The following MAST4 variants were observed in gnomAD, a reference collection of about 807,000 sequenced individuals.
MAST4 encodes the protein microtubule associated serine/threonine kinase family member 4.
In MAST4, 89 loss-of-function variants were observed where a neutral mutation model predicts 162.7. That is an observed-to-expected ratio of 0.55 (90% CI 0.46 to 0.65). The LOEUF (loss-of-function observed/expected upper bound fraction) is 0.65, where lower values mean the gene tolerates loss of function less well. Among genes scored for constraint, MAST4 ranks in the 30% least tolerant of loss-of-function variants. The pLI, the probability that MAST4 is intolerant of heterozygous loss-of-function variation, is 0.00. For missense variants in MAST4, 3,153 were observed against 3,374.0 expected (o/e 0.93, Z 1.62); for synonymous variants, 1,479 against 1,361.1 (o/e 1.09, Z -1.91).
At chr5:66,780,920 C>T (rs1754842073) in intron 2 of MAST4, among the ~76,000 whole-genome samples, 1 of 152,214 alleles carries the variant, frequency 6.6e-6, no homozygotes, top group African/African-American at 2.4e-5. Flanking sequence ...TTCTCCAAGT[C>T]CCCACTCAGC....
chr5:66,921,166 C>A (rs1209085912), intron 4 of MAST4, among the ~76,000 whole-genome samples: 1 of 152,098 alleles, frequency 6.6e-6, no homozygotes, highest in African/African-American at 2.4e-5. Context: ...TTAAAAAAAT[C>A]ATGTGTGTTG....
At position 66,846,243 on chromosome 5, in the gene MAST4, A is replaced by T. The variant is rs150566396; in HGVS notation, c.643-53708A>T. Among the ~76,000 whole-genome samples the T allele has an allele frequency of 9.3e-4, 141 of 152,282 alleles. 2 individuals carry two copies. Among genetic ancestry groups the T allele is most frequent in the African/African-American group, 3.3e-3 (136 of 41,538 alleles). On this transcript the variant is annotated intron_variant, in intron 3 of 28. Coordinates refer to ENST00000403625, the MANE Select transcript of MAST4 (RefSeq NM_001164664.2). ...ATGGCCCAACTTACAGTTATCATCC[A>T]CTGTGACAAGTTCAGTAGAAGTTGT...
chr5:66,623,454 G>A (rs1744205754), intron 1 of MAST4, among the ~76,000 whole-genome samples: 1 of 152,066 alleles, frequency 6.6e-6, no homozygotes, highest in East Asian at 1.9e-4. Context: ...TGACCAAGTG[G>A]GATTTATCCC....
At chr5:67,155,234 GC>G (rs541305745) in intron 26 of MAST4, among the ~76,000 whole-genome samples, 40 of 152,124 alleles carry the variant, frequency 2.6e-4, no homozygotes, top group Non-Finnish European at 4.9e-4. Flanking sequence ...CCATGCATAG[GC>G]AAACTTGTCC....
At position 67,142,107 on chromosome 5, in the gene MAST4, C is replaced by A. The variant is rs377455103; in HGVS notation, c.2495-8C>A. The A allele has an allele frequency of 2.5e-6, 4 of 1,613,086 alleles. No homozygotes were observed. The Admixed American group carries it at 6.7e-5, about 27-fold the overall frequency. ...CTTTCCTCTCTGTCTCTACCTGCCC[C>A]CTTCCAGGTGGTGCATATGAAGTCA... On this transcript the variant is annotated splice_region_variant and splice_polypyrimidine_tract_variant and intron_variant, in intron 19 of 28. Coordinates refer to ENST00000403625, the MANE Select transcript of MAST4 (RefSeq NM_001164664.2).
intron 4 of MAST4, among the ~76,000 whole-genome samples, chr5:67,018,676 A>G (rs1753614694): frequency 6.6e-6 from 1 of 152,200 alleles, no homozygotes; most frequent in Non-Finnish European, 1.5e-5. Flanking sequence ...GTAATTTAAG[A>G]TATAGAGTAT....
chr5:67,153,008 C>G (rs1561178072), intron 25 of MAST4, 142 bp downstream of exon 25: 2 of 678,474 alleles, frequency 2.9e-6, no homozygotes, highest in Non-Finnish European at 5.1e-6. Context: ...GAGCTCCATC[C>G]CTGTATGTGT....
chr5:66,979,290 T>C (rs1748499643), intron 4 of MAST4, among the ~76,000 whole-genome samples: 1 of 152,138 alleles, frequency 6.6e-6, no homozygotes, highest in Non-Finnish European at 1.5e-5. Context: ...ACAGAGACAC[T>C]GAGTCCTCTT....
intron 4 of MAST4, among the ~76,000 whole-genome samples, chr5:67,016,926 A>C (rs1450395535): frequency 6.6e-6 from 1 of 152,214 alleles, no homozygotes; most frequent in Non-Finnish European, 1.5e-5. Flanking sequence ...ATGGCAATAC[A>C]ATGGGTATGC....
intron 3 of MAST4, among the ~76,000 whole-genome samples, chr5:66,832,576 G>A (rs1275625653): frequency 6.6e-6 from 1 of 152,096 alleles, no homozygotes; most frequent in Non-Finnish European, 1.5e-5. Flanking sequence ...TGTTCTAACT[G>A]AGCATCAATC....
chr5:66,848,131 A>C (rs1759022563), intron 3 of MAST4, among the ~76,000 whole-genome samples: 1 of 152,142 alleles, frequency 6.6e-6, no homozygotes, highest in Admixed American at 6.6e-5. Flanking sequence ...TTTGCTTACT[A>C]TTTGCTTAAG....
intron 14 of MAST4, among the ~76,000 whole-genome samples, chr5:67,122,312 T>A (rs1042397617): frequency 1.3e-5 from 2 of 152,244 alleles, no homozygotes; most frequent in African/African-American, 4.8e-5. Context: ...TTACCATTTT[T>A]TCACCTTGAA....
intron 6 of MAST4, among the ~76,000 whole-genome samples, chr5:67,095,187 C>T (rs1325098377): frequency 1.1e-4 from 17 of 152,198 alleles, no homozygotes; most frequent in Non-Finnish European, 4.4e-5. Flanking sequence ...AAAGTCCCCA[C>T]AGGCCCTTGT....
chr5:66,671,390 G>A (rs976835619), intron 1 of MAST4, among the ~76,000 whole-genome samples: 2 of 152,136 alleles, frequency 1.3e-5, no homozygotes, highest in Admixed American at 1.3e-4. Context: ...GGGTAAAAGG[G>A]AACCTACCAG....
intron 3 of MAST4, among the ~76,000 whole-genome samples, chr5:66,885,460 A>T (rs576719534): frequency 5.9e-5 from 9 of 152,332 alleles, no homozygotes; most frequent in African/African-American, 1.9e-4. Flanking sequence ...AATGAAAGCT[A>T]TGCAAGATAA....
intron 3 of MAST4, among the ~76,000 whole-genome samples, chr5:66,843,456 AGAG>A (rs1412429395): frequency 1.3e-5 from 2 of 152,136 alleles, no homozygotes; most frequent in Non-Finnish European, 2.9e-5. Context: ...CGCTTAACAG[AGAG>A]GAGAATGATT....
intron 5 of MAST4, among the ~76,000 whole-genome samples, chr5:67,057,941 TAA>T (rs11292115): frequency 5.1e-4 from 70 of 138,104 alleles, no homozygotes; most frequent in Admixed American, 1.0e-3. Flanking sequence ...ATTGCAATTA[TAA>T]AAAAAAAAAA....
intron 4 of MAST4, among the ~76,000 whole-genome samples, chr5:66,967,615 C>T (rs1195123313): frequency 6.6e-6 from 1 of 151,318 alleles, no homozygotes; most frequent in Non-Finnish European, 1.5e-5. Flanking sequence ...GACTGTATTC[C>T]TGTACTGAGC....
At chr5:67,045,922 C>T (rs1757314965) in intron 4 of MAST4, among the ~76,000 whole-genome samples, 1 of 152,036 alleles carries the variant, frequency 6.6e-6, no homozygotes, top group Non-Finnish European at 1.5e-5. Flanking sequence ...AACGATTGTC[C>T]CCCAGGCAAG....
Sources: allele counts gnomAD v4.1 joint callset (sites outside exome capture counted in the v4.1 genomes callset), GRCh38; gene constraint gnomAD v4.1.1; transcripts MANE v1.5; gene names NCBI Gene and HGNC (gene_info 2026-07-23, HGNC 2026-07-21).